SPOCK3: variants seen among roughly 807,000 people sequenced by gnomAD.
SPOCK3 encodes the protein SPARC (osteonectin), cwcv and kazal like domains proteoglycan 3.
A neutral mutation model predicts 56.6 loss-of-function variants in SPOCK3; 30 were observed. The ratio of observed to expected loss-of-function variants is 0.53; its 90% confidence interval spans 0.40 to 0.72. The LOEUF is 0.72. Among genes scored for constraint, SPOCK3 ranks in the 30% least tolerant of loss-of-function variants. SPOCK3 has a pLI of 0.00. For synonymous variants in SPOCK3, 196 were observed against 183.3 expected, an observed-to-expected ratio of 1.07 and a Z score of -0.56; for missense variants, 527 against 530.0, an observed-to-expected ratio of 0.99 and a Z score of 0.06.
At chr4:167,180,025 G>A (rs1190599864) in intron 2 of SPOCK3, among the ~76,000 whole-genome samples, 1 of 152,130 alleles carries the variant, frequency 6.6e-6, no homozygotes, top group African/African-American at 2.4e-5. Flanking sequence ...TTTCCAGGGA[G>A]GGACTCCATT....
intron 2 of SPOCK3, among the ~76,000 whole-genome samples, chr4:167,124,871 T>C (rs1762136790): frequency 6.6e-6 from 1 of 152,182 alleles, no homozygotes; most frequent in African/African-American, 2.4e-5. Context: ...TCCAATTGTA[T>C]TCTCCCCTTG....
intron 4 of SPOCK3, among the ~76,000 whole-genome samples, chr4:166,939,225 A>G (rs534695253): frequency 3.5e-4 from 54 of 152,278 alleles, no homozygotes; most frequent in East Asian, 7.7e-4. Flanking sequence ...GGGAATGAAA[A>G]TAGATTGCAA....
At chr4:166,832,405 A>C (rs938983112) in intron 6 of SPOCK3, among the ~76,000 whole-genome samples, 1 of 152,120 alleles carries the variant, frequency 6.6e-6, no homozygotes, top group Admixed American at 6.6e-5. Context: ...AAAATCAAAA[A>C]AAAAACAACA....
At chr4:167,009,105 T>C (rs1373518813) in intron 3 of SPOCK3, among the ~76,000 whole-genome samples, 1 of 152,152 alleles carries the variant, frequency 6.6e-6, no homozygotes, top group Non-Finnish European at 1.5e-5. Context: ...ATAATCTATT[T>C]ATCCTTCAAT....
chr4:167,082,899 G>C (rs1455085496), intron 2 of SPOCK3, among the ~76,000 whole-genome samples: 1 of 151,438 alleles, frequency 6.6e-6, no homozygotes, highest in African/African-American at 2.4e-5. Context: ...GAGAGAGAGA[G>C]AAAGAGAGAG....
chr4:166,835,731 G>A (rs748243538), intron 6 of SPOCK3, among the ~76,000 whole-genome samples: 3 of 152,104 alleles, frequency 2.0e-5, no homozygotes, highest in Non-Finnish European at 4.4e-5. Context: ...TGTTTTGGCC[G>A]GGCATGGTGG....
intron 6 of SPOCK3, among the ~76,000 whole-genome samples, chr4:166,887,469 T>C (rs1734320297): frequency 6.6e-6 from 1 of 152,140 alleles, no homozygotes; most frequent in Non-Finnish European, 1.5e-5. Flanking sequence ...TTGTCTTCAA[T>C]TTAATTGTGA....
chr4:166,877,751 T>G (rs1374228535), intron 6 of SPOCK3, among the ~76,000 whole-genome samples: 1 of 152,178 alleles, frequency 6.6e-6, no homozygotes, highest in African/African-American at 2.4e-5. Context: ...ATTTTTTTGT[T>G]TGTAGTAACA....
intron 3 of SPOCK3, among the ~76,000 whole-genome samples, chr4:167,038,663 C>CAAAAA (rs558863795): frequency 1.4e-4 from 15 of 107,978 alleles, no homozygotes; most frequent in African/African-American, 2.8e-4. Flanking sequence ...TTATTTTTTC[C>CAAAAA]AAAAAAAAAA....
chr4:166,886,210 G>A (rs1303751399), intron 6 of SPOCK3, among the ~76,000 whole-genome samples: 1 of 151,990 alleles, frequency 6.6e-6, no homozygotes, highest in Non-Finnish European at 1.5e-5. Flanking sequence ...AAAATCAGCT[G>A]AAATGTCAAT....
At chr4:166,973,602 A>G (rs943594466) in intron 4 of SPOCK3, among the ~76,000 whole-genome samples, 2 of 152,162 alleles carry the variant, frequency 1.3e-5, no homozygotes, top group African/African-American at 4.8e-5. Flanking sequence ...AGTATGAAAT[A>G]TAAGAAATAT....
intron 5 of SPOCK3, among the ~76,000 whole-genome samples, chr4:166,906,754 ATT>A (rs997802735): frequency 1.3e-5 from 2 of 151,730 alleles, no homozygotes; most frequent in East Asian, 1.9e-4. Context: ...TTATTTTTTA[ATT>A]TTTTTTAGTG....
At chr4:166,879,606 T>A (rs1733479489) in intron 6 of SPOCK3, among the ~76,000 whole-genome samples, 1 of 152,324 alleles carries the variant, frequency 6.6e-6, no homozygotes, top group African/African-American at 2.4e-5. Flanking sequence ...AGATAAATGT[T>A]ATTTTCACCA....
At chr4:167,205,307 T>TATATATTA (rs1554053184) in intron 2 of SPOCK3, among the ~76,000 whole-genome samples, 2 of 39,654 alleles carry the variant, frequency 5.0e-5, no homozygotes, top group African/African-American at 1.8e-4. Context: ...ATAATATATA[T>TATATATTA]TATATATTTT....
At chr4:167,144,372 C>T (rs1055528527) in intron 2 of SPOCK3, among the ~76,000 whole-genome samples, 7 of 151,806 alleles carry the variant, frequency 4.6e-5, no homozygotes, top group African/African-American at 1.5e-4. Flanking sequence ...TAAAATTATG[C>T]ACTAATTTCT....
chr4:167,027,392 A>T (rs1033462769), intron 3 of SPOCK3, among the ~76,000 whole-genome samples: 1 of 151,966 alleles, frequency 6.6e-6, no homozygotes, highest in Non-Finnish European at 1.5e-5. Context: ...TTGGGAAATC[A>T]TTCCTTTGCT....
intron 4 of SPOCK3, among the ~76,000 whole-genome samples, chr4:166,939,945 C>CT (rs1023659651): frequency 1.7e-4 from 26 of 151,992 alleles, no homozygotes; most frequent in African/African-American, 9.7e-5. Flanking sequence ...AGTTGAGTTA[C>CT]TTTTTTCCAG....
At chr4:166,839,950 G>T (rs956489715) in intron 6 of SPOCK3, among the ~76,000 whole-genome samples, 3 of 152,166 alleles carry the variant, frequency 2.0e-5, no homozygotes, top group Admixed American at 6.5e-5. Context: ...CCCTCTGAGG[G>T]TGTATTACTG....
At chr4:166,989,184 G>A (rs1747507461) in intron 4 of SPOCK3, among the ~76,000 whole-genome samples, 1 of 151,986 alleles carries the variant, frequency 6.6e-6, no homozygotes, top group Admixed American at 6.6e-5. Context: ...ACAGTTAGTT[G>A]CCTGTTAACT....
Sources: gnomAD v4.1 joint callset for allele counts (sites outside exome capture counted in the v4.1 genomes callset) on GRCh38, gnomAD v4.1.1 for gene constraint, MANE v1.5 for transcripts, NCBI Gene and HGNC (gene_info 2026-07-23, HGNC 2026-07-21) for gene names.